Variants in MYO1B observed in about 807,000 individuals in gnomAD.
MYO1B encodes the protein myosin IB, also known as unconventional myosin-Ib.
Under a neutral mutation model 159.7 loss-of-function variants are expected in MYO1B, and 72 were observed. The ratio of observed to expected loss-of-function variants is 0.45; its 90% CI spans 0.37 to 0.55. MYO1B has a LOEUF of 0.55. Ranked by LOEUF, MYO1B falls within the 20% of genes least tolerant of loss-of-function variation. MYO1B has a pLI of 0.00. For synonymous variants in MYO1B, 468 were observed against 473.8 expected (o/e 0.99, Z 0.16); for missense variants, 1,062 against 1,364.8 (o/e 0.78, Z 3.50).
intron 7 of MYO1B, among the ~76,000 whole-genome samples, chr2:191,353,710 C>G (rs1299623840): frequency 2.6e-5 from 4 of 152,178 alleles, no homozygotes; most frequent in African/African-American, 9.7e-5. Flanking sequence ...TTACTTCATT[C>G]TCTGTGCCTC....
At chr2:191,353,607 T>G (rs767838540) in intron 7 of MYO1B, among the ~76,000 whole-genome samples, 1 of 152,208 alleles carries the variant, frequency 6.6e-6, no homozygotes, top group Non-Finnish European at 1.5e-5. Context: ...TCTTTTTTCC[T>G]TATCCATTAT....
intron 2 of MYO1B, among the ~76,000 whole-genome samples, chr2:191,292,951 T>C (rs1379435947): frequency 1.3e-5 from 2 of 152,236 alleles, no homozygotes; most frequent in Non-Finnish European, 2.9e-5. Context: ...AGGCATCTGG[T>C]GTCCTTACTG....
intron 4 of MYO1B, among the ~76,000 whole-genome samples, chr2:191,334,642 A>G (rs546192969): frequency 6.6e-6 from 1 of 152,152 alleles, no homozygotes; most frequent in South Asian, 2.1e-4. Context: ...CTTTATCAGA[A>G]GCTGGAAAAT....
intron 24 of MYO1B, among the ~76,000 whole-genome samples, chr2:191,404,613 G>A (rs1269994882): frequency 1.3e-5 from 2 of 152,106 alleles, no homozygotes; most frequent in African/African-American, 4.8e-5. Context: ...AGATATTGCA[G>A]GCTCAGTTCC....
rs1316375591 is a variant in MYO1B at position 191,385,914 on chromosome 2, G to A, written c.1384G>A (p.Glu462Lys). ...AAATGGAATCCTGGCCATGCTGGAT[G>A]AAGAGTGCCTCAGACCTGGCACAGT... ...NTNGILAMLD[E>K]ECLRPGTVTD... The change falls in exon 16 of 31, where the codon GAA becomes AAA. Residue 462 changes from glutamate (E) to lysine (K), a missense_variant. Coordinates refer to ENST00000392318, the MANE Select transcript of MYO1B (RefSeq NM_001130158.3). 6.2e-7 allele frequency: 1 copy of A among 1,614,018 alleles called. No homozygotes were observed. The highest frequency in any genetic ancestry group is 1.7e-5 in the Admixed American group (1 of 59,998).
rs185697485 is a variant in MYO1B at position 191,375,830 on chromosome 2, G to T, written c.1185+5538G>T. Among the ~76,000 whole-genome samples, 23 of 152,108 alleles carry T rather than the reference G, an allele frequency of 1.5e-4. No individual in the cohort carries two copies. The East Asian group carries it at 3.9e-3, about 26-fold the overall frequency. Reference sequence around the variant, plus strand: ...AAAAATTATCCAGGCATAGTGGCATGCTCCTGTAGTCCCAGCTACTTGGGA... The same window carrying T: ...AAAAATTATCCAGGCATAGTGGCATTCTCCTGTAGTCCCAGCTACTTGGGA... On this transcript the variant is annotated intron_variant, in intron 13 of 30. Transcript: ENST00000392318.
intron 20 of MYO1B, among the ~76,000 whole-genome samples, chr2:191,395,872 A>G (rs1696042584): frequency 6.6e-6 from 1 of 152,256 alleles, no homozygotes; most frequent in Admixed American, 6.5e-5. Flanking sequence ...GCACATTTAT[A>G]TCCTCATGGT....
At chr2:191,299,799 A>G (rs115330984) in intron 3 of MYO1B, among the ~76,000 whole-genome samples, 2,832 of 152,298 alleles carry the variant, frequency 0.019, 84 homozygotes, top group African/African-American at 0.064. Context: ...TCAGTGGGAA[A>G]AGAATTATTA....
intron 2 of MYO1B, among the ~76,000 whole-genome samples, chr2:191,294,804 A>C (rs981252094): frequency 6.6e-6 from 1 of 152,074 alleles, no homozygotes; most frequent in African/African-American, 2.4e-5. Flanking sequence ...GTTTATATAT[A>C]TATATAACCT....
chr2:191,336,907 A>G (rs1409719765), intron 4 of MYO1B, among the ~76,000 whole-genome samples: 3 of 143,940 alleles, frequency 2.1e-5, no homozygotes, highest in Non-Finnish European at 3.1e-5. Context: ...GAGATAAATA[A>G]ATGTGTACGA....
rs970355368 is a variant in MYO1B, at chr2:191,332,819, C to A, written c.346+2790C>A. 3.9e-5 allele frequency among the ~76,000 whole-genome samples: 6 copies of A among 152,278 alleles called. No individual in the cohort carries two copies. The South Asian group carries it at 1.2e-3, about 32-fold the overall frequency. ...ACCTTGAACATGGTACAGAGTAGTT[C>A]TTGAACATGATTCTTTCCGAGTGCC... is the stretch of plus-strand genomic sequence containing the variant. On this transcript the variant is annotated intron_variant, in intron 4 of 30. Transcript: ENST00000392318.
chr2:191,402,473 C>T (rs1696673567), intron 23 of MYO1B, 159 bp from the exon 24 acceptor site: 1 of 656,960 alleles, frequency 1.5e-6, no homozygotes, highest in Non-Finnish European at 2.7e-6. Flanking sequence ...ACCAGCCTGA[C>T]ACCAATTCTT....
intron 4 of MYO1B, among the ~76,000 whole-genome samples, chr2:191,332,662 T>C (rs547218247): frequency 1.3e-5 from 2 of 152,238 alleles, no homozygotes; most frequent in South Asian, 4.2e-4. Context: ...GATGGGAAAA[T>C]AGGAACACGG....
At chr2:191,336,938 A>G (rs974993638) in intron 4 of MYO1B, among the ~76,000 whole-genome samples, 3 of 152,206 alleles carry the variant, frequency 2.0e-5, no homozygotes, top group South Asian at 2.1e-4. Context: ...GGCCCTCTCT[A>G]TATGCCATAT....
At position 191,393,204 on chromosome 2, in the gene MYO1B, C is replaced by G; in HGVS notation, c.2208C>G (p.Ala736=). The G allele has an allele frequency of 6.2e-7, 1 of 1,614,038 alleles. No individual in the cohort carries two copies. The highest frequency in any genetic ancestry group is 8.5e-7 in the Non-Finnish European group (1 of 1,179,944). The change falls in exon 20 of 31, where the codon GCC becomes GCG. Residue 736 remains alanine (A), a synonymous_variant. Coordinates refer to ENST00000392318, the MANE Select transcript of MYO1B (RefSeq NM_001130158.3). ...LMKKSQIVIA[A]WYRRYAQQKR... ...AAAAAAGCCAAATTGTGATTGCCGC[C>G]TGGTACAGGAGATATGCGGTAAGAG... is the stretch of plus-strand genomic sequence containing the variant.
At chr2:191,298,380 A>G (rs186661419) in intron 3 of MYO1B, among the ~76,000 whole-genome samples, 2 of 152,304 alleles carry the variant, frequency 1.3e-5, no homozygotes, top group East Asian at 3.9e-4. Flanking sequence ...GTGATGAAAT[A>G]CTTTATTTGA....
Position 191,381,500 on chromosome 2 carries a change from C to T in MYO1B, c.1224C>T (p.Asn408=), listed in dbSNP as rs147109563. The change falls in exon 14 of 31, where the codon AAC becomes AAT. Residue 408 remains asparagine, a synonymous_variant. Coordinates refer to ENST00000392318, the MANE Select transcript of MYO1B (RefSeq NM_001130158.3). ...AGCAGTTCATTATTAATTATTGTAA[C>T]GAAAAGCTGCAACAAATCTTCATTG... The part of the protein sequence containing the change: ...SFEQFIINYC[N]EKLQQIFIEL... 5.0e-5 allele frequency: 81 copies of T among 1,613,610 alleles called. No individual in the cohort carries two copies. The highest frequency in any genetic ancestry group is 1.1e-4 in the East Asian group (5 of 44,874).
chr2:191,289,256 T>C (rs1688557352), intron 2 of MYO1B, among the ~76,000 whole-genome samples: 1 of 152,238 alleles, frequency 6.6e-6, no homozygotes, highest in Non-Finnish European at 1.5e-5. Context: ...TCCTCCGTTC[T>C]TCTTGCGTGC....
intron 3 of MYO1B, among the ~76,000 whole-genome samples, chr2:191,322,401 C>T (rs1280549874): frequency 6.6e-6 from 1 of 152,124 alleles, no homozygotes; most frequent in Non-Finnish European, 1.5e-5. Flanking sequence ...TCTCCAATAC[C>T]TGGCTTCTGC....
Sources: allele counts gnomAD v4.1 joint callset (sites outside exome capture counted in the v4.1 genomes callset), GRCh38; gene constraint gnomAD v4.1.1; transcripts MANE v1.5; gene names NCBI Gene and HGNC (gene_info 2026-07-23, HGNC 2026-07-21).